The following TERB2 variants were observed in gnomAD, a reference collection of about 807,000 sequenced individuals.
TERB2 encodes telomere repeat binding bouquet formation protein 2, also known as telomere repeats-binding bouquet formation protein 2.
TERB2 carries 26 observed loss-of-function variants against 29.8 expected under a neutral mutation model. That is an observed-to-expected ratio of 0.87 (90% CI 0.64 to 1.21). TERB2 has a LOEUF of 1.21. TERB2 is among the 50% of genes most tolerant of loss of function. The pLI is 0.00. For missense variants in TERB2, 240 were observed against 268.6 expected (o/e 0.89, Z 0.74); for synonymous variants, 80 against 90.8 (o/e 0.88, Z 0.68).
chr15:44,964,750 T>C (rs1174578325), intron 4 of TERB2, among the ~76,000 whole-genome samples: 1 of 152,206 alleles, frequency 6.6e-6, no homozygotes, highest in African/African-American at 2.4e-5. Context: ...CCAATTATAA[T>C]AATGTAACCA....
At position 44,966,870 on chromosome 15, in the gene TERB2, C is replaced by T. The variant is rs528880954; in HGVS notation, c.434+627C>T. ...TCTCAGCACTTAGGGAGGCTGAAGC[C>T]GGATGACTGCTTGAGCCTAGGAATT... On this transcript the variant is annotated intron_variant, in intron 5 of 6. Coordinates refer to ENST00000340827, the MANE Select transcript of TERB2 (RefSeq NM_152448.3). 1.1e-3 allele frequency among the ~76,000 whole-genome samples: 174 copies of T among 152,202 alleles called. 2 individuals carry two copies. The highest frequency in any genetic ancestry group is 5.1e-4 in the African/African-American group (21 of 41,536).
intron 5 of TERB2, among the ~76,000 whole-genome samples, chr15:44,969,119 G>C (rs1030463902): frequency 1.3e-5 from 2 of 151,950 alleles, no homozygotes; most frequent in African/African-American, 4.8e-5. Flanking sequence ...TAATTAGACA[G>C]GGTCTCGCTC....
intron 5 of TERB2, among the ~76,000 whole-genome samples, chr15:44,969,813 A>G: frequency 1.3e-5 from 2 of 149,782 alleles, no homozygotes. Flanking sequence ...AAAAAAAAAA[A>G]TTAGTAGCAT....
chr15:44,959,014 C>G (rs1450201404), intron 3 of TERB2, among the ~76,000 whole-genome samples: 3 of 152,116 alleles, frequency 2.0e-5, no homozygotes, highest in Admixed American at 2.0e-4. Flanking sequence ...TGGTGAGACC[C>G]TGTCTCTATT....
At chr15:44,973,491 T>C (rs1018997366) in intron 5 of TERB2, 2 of 152,092 alleles carry the variant, frequency 1.3e-5, no homozygotes, top group African/African-American at 4.8e-5. Context: ...ACAAAAGAAG[T>C]TCATAATTAA....
intron 5 of TERB2, among the ~76,000 whole-genome samples, chr15:44,967,026 G>A (rs1319970041): frequency 2.0e-5 from 3 of 152,188 alleles, no homozygotes; most frequent in Non-Finnish European, 4.4e-5. Flanking sequence ...TTGAGCCCAG[G>A]AGGTTGAGAC....
At chr15:44,969,022 CAGG>C (rs897160144) in intron 5 of TERB2, among the ~76,000 whole-genome samples, 9 of 152,144 alleles carry the variant, frequency 5.9e-5, no homozygotes, top group African/African-American at 2.2e-4. Flanking sequence ...CTGGAACTCC[CAGG>C]AGTTCAGGCA....
At chr15:44,959,806 G>C (rs11635511) in intron 3 of TERB2, among the ~76,000 whole-genome samples, 2,519 of 152,226 alleles carry the variant, frequency 0.017, 21 homozygotes, top group Middle Eastern at 0.031. Flanking sequence ...TCGTAGATAC[G>C]TGTTCATCTC....
At chr15:44,976,468 T>C (rs1315188003) in intron 6 of TERB2, among the ~76,000 whole-genome samples, 1 of 152,096 alleles carries the variant, frequency 6.6e-6, no homozygotes, top group Non-Finnish European at 1.5e-5. Context: ...GGTAGGTAGT[T>C]TGCTTCCCTC....
At chr15:44,977,116 C>CACACA (rs1566947510) in intron 6 of TERB2, among the ~76,000 whole-genome samples, 1 of 151,418 alleles carries the variant, frequency 6.6e-6, no homozygotes, top group East Asian at 1.9e-4. Context: ...CACACACACA[C>CACACA]CCCAGAAAAA....
intron 3 of TERB2, among the ~76,000 whole-genome samples, chr15:44,959,408 G>A (rs183182748): frequency 6.6e-5 from 10 of 152,034 alleles, no homozygotes; most frequent in African/African-American, 1.9e-4. Flanking sequence ...TTACTCTGTC[G>A]TCCAGGCTGG....
At chr15:44,960,269 C>T (rs183491088) in intron 3 of TERB2, among the ~76,000 whole-genome samples, 24 of 152,222 alleles carry the variant, frequency 1.6e-4, no homozygotes, top group Admixed American at 1.5e-3. Context: ...TTTAATCTGC[C>T]TATTGTCTAG....
intron 4 of TERB2, 152 bp downstream of exon 4, chr15:44,961,736 G>C (rs1321469246): frequency 3.7e-6 from 2 of 543,996 alleles, no homozygotes; most frequent in East Asian, 7.2e-5. Context: ...GTCTCACTCT[G>C]TCTCCCAGGC....
intron 4 of TERB2, among the ~76,000 whole-genome samples, chr15:44,962,008 G>A (rs1891812346): frequency 1.3e-5 from 2 of 152,142 alleles, no homozygotes; most frequent in South Asian, 4.2e-4. Flanking sequence ...CACAGATTAA[G>A]AAATTTAAAG....
intron 3 of TERB2, among the ~76,000 whole-genome samples, chr15:44,959,942 A>G (rs1206445307): frequency 6.6e-6 from 1 of 152,210 alleles, no homozygotes; most frequent in Non-Finnish European, 1.5e-5. Flanking sequence ...TTCCTTCCAT[A>G]GTCAATGTCC....
intron 6 of TERB2, among the ~76,000 whole-genome samples, chr15:44,977,568 G>A (rs1892063831): frequency 6.6e-6 from 1 of 152,070 alleles, no homozygotes; most frequent in Admixed American, 6.6e-5. Context: ...TGCTTCAAGA[G>A]CTCCTAAAGT....
intron 5 of TERB2, 149 bp downstream of exon 5, chr15:44,966,392 A>C (rs1891888945): frequency 2.3e-6 from 1 of 440,330 alleles, no homozygotes; most frequent in Admixed American, 4.7e-5. Context: ...GAGATCTATG[A>C]TTAGAAAGAT....
intron 5 of TERB2, among the ~76,000 whole-genome samples, chr15:44,972,302 A>G (rs1193269862): frequency 6.6e-6 from 1 of 151,982 alleles, no homozygotes; most frequent in East Asian, 1.9e-4. Flanking sequence ...TAAAAATGGA[A>G]AATAAAGCCT....
At chr15:44,969,659 T>C (rs2141243309) in intron 5 of TERB2, among the ~76,000 whole-genome samples, 1 of 151,228 alleles carries the variant, frequency 6.6e-6, no homozygotes, top group Non-Finnish European at 1.5e-5. Context: ...CTGGGTGTAG[T>C]GGTGTACTCC....
Sources: allele counts gnomAD v4.1 joint callset (sites outside exome capture counted in the v4.1 genomes callset), GRCh38; gene constraint gnomAD v4.1.1; transcripts MANE v1.5; gene names NCBI Gene and HGNC (gene_info 2026-07-23, HGNC 2026-07-21).